MGST1: variants seen among roughly 807,000 people sequenced by gnomAD.
MGST1 encodes the protein glutathione S-transferase 12.
Under a neutral mutation model 8.9 loss-of-function variants are expected in MGST1, and 5 were observed. The ratio of observed to expected loss-of-function variants is 0.56; its 90% CI spans 0.29 to 1.19. The LOEUF (loss-of-function observed/expected upper bound fraction) is 1.19. Among genes scored for constraint, MGST1 ranks in the 50% most tolerant of loss-of-function variants. The pLI is 0.08. For missense variants in MGST1, 182 were observed against 187.4 expected, an observed-to-expected ratio of 0.97 and a Z score of 0.17; for synonymous variants, 54 against 67.8, an observed-to-expected ratio of 0.80 and a Z score of 1.00.
Position 16,559,340 on chromosome 12 carries a change from A to G in MGST1, n.483-30188A>G, listed in dbSNP as rs945721688. Among the ~76,000 whole-genome samples the G allele has an allele frequency of 1.3e-5, 2 of 152,230 alleles. No homozygotes were observed. Among genetic ancestry groups the G allele is most frequent in the Admixed American group, 1.3e-4 (2 of 15,282 alleles). On this transcript the variant is annotated intron_variant and non_coding_transcript_variant, in intron 4 of 4. Coordinates refer to the MGST1 transcript ENST00000538857. This position sits in a 1 kb window ranked among gnomAD's most constrained non-coding sequence, Gnocchi z 4.1. ...GAAATAAAAAATATAACTTTCAATA[A>G]GAAAAAATGGAATTAAGTGATAATA...
intron 1 of MGST1, chr12:16,402,264 T>G (rs1940662545): frequency 6.3e-7 from 1 of 1,589,174 alleles, no homozygotes; most frequent in African/African-American, 1.3e-5. Flanking sequence ...GAGCCATGTC[T>G]GTAAGGCAGT....
In MGST1 at chr12:16,479,535, CTTT is replaced by C. The variant is rs71054820; in HGVS notation, n.482+95945_482+95947del. Among the ~76,000 whole-genome samples, 34 of 113,076 alleles carry C rather than the reference CTTT, an allele frequency of 3.0e-4. 2 individuals carry two copies. The highest frequency in any genetic ancestry group is 1.2e-3 in the African/African-American group (30 of 26,040). The allele number at this position is 113,076 out of a possible 152,430, so 74.2% of individuals were successfully genotyped here. A position where few individuals can be genotyped will look rare whatever the true frequency, so the allele number is the denominator to read the frequency against. ...AGGCGTGAGCCACTGCGCCCGGCCTCTTTTTTTTTTTTTTTTGAGACAGGGTCT... is the reference window on the plus strand; with the variant it reads ...AGGCGTGAGCCACTGCGCCCGGCCTCTTTTTTTTTTTTTGAGACAGGGTCT... On this transcript the variant is annotated intron_variant and non_coding_transcript_variant, in intron 4 of 4. Coordinates refer to the MGST1 transcript ENST00000538857.
chr12:16,465,511 C>G (rs188259497), intron 4 of MGST1, among the ~76,000 whole-genome samples: 2 of 151,800 alleles, frequency 1.3e-5, no homozygotes, highest in African/African-American at 4.8e-5. Context: ...CCTGTCAGAT[C>G]AGCTGCAGCA....
chr12:16,354,502 A>T lies in MGST1; in HGVS notation c.126+124A>T, dbSNP rs931701177. The T allele has an allele frequency of 5.5e-6, 5 of 911,550 alleles. No individual in the cohort carries two copies. The South Asian group carries it at 9.7e-5, about 18-fold the overall frequency. The allele number at this position is 911,550 out of a possible 1,614,324, so 56.5% of individuals were successfully genotyped here. On this transcript the variant is annotated intron_variant, in intron 2 of 3. Coordinates refer to ENST00000396210, the MANE Select transcript of MGST1 (RefSeq NM_020300.5). ...AGCACACTGTTTTATGCTGTAAGTG[A>T]AGTATGCCATCGTTTGGCACAGATG...
At chr12:16,473,445 G>A (rs536896848) in intron 4 of MGST1, among the ~76,000 whole-genome samples, 3 of 152,224 alleles carry the variant, frequency 2.0e-5, no homozygotes, top group South Asian at 2.1e-4. Context: ...ACCCACTCTG[G>A]AATGAGAATT....
chr12:16,463,594 A>C (rs1941235112), intron 4 of MGST1, among the ~76,000 whole-genome samples: 1 of 66,306 alleles, frequency 1.5e-5, no homozygotes, highest in Non-Finnish European at 2.9e-5. Context: ...TTAAAATAAA[A>C]GTTGAAGAAA....
chr12:16,387,748 G>A (rs55660675), intron 1 of MGST1, among the ~76,000 whole-genome samples: 12 of 152,040 alleles, frequency 7.9e-5, no homozygotes, highest in Non-Finnish European at 1.2e-4. Flanking sequence ...GGATGGTCTC[G>A]ATCTCCTGAC....
rs1941811872 is a variant in MGST1, at chr12:16,544,520, A to G, written n.483-45008A>G. ...AAATGTAAATGTAGAGAATTAAGTC[A>G]AACCATGCCAAGAACACAAAGTGCT... On this transcript the variant is annotated intron_variant and non_coding_transcript_variant, in intron 4 of 4. Transcript: ENST00000538857. The surrounding 1 kb of genome is among the most constrained non-coding windows in gnomAD (Gnocchi z 4.8). Among the ~76,000 whole-genome samples, 1 of 152,086 alleles carries G rather than the reference A, an allele frequency of 6.6e-6. No homozygotes were observed. Among genetic ancestry groups the G allele is most frequent in the African/African-American group, 2.4e-5 (1 of 41,452 alleles).
chr12:16,406,136 A>C (rs1462992524), intron 1 of MGST1, among the ~76,000 whole-genome samples: 1 of 152,216 alleles, frequency 6.6e-6, no homozygotes, highest in Non-Finnish European at 1.5e-5. Flanking sequence ...CCCTGTTTGC[A>C]GCTGACGTAA....
At chr12:16,538,166 C>T (rs1941767377) in intron 4 of MGST1, among the ~76,000 whole-genome samples, 1 of 152,172 alleles carries the variant, frequency 6.6e-6, no homozygotes, top group African/African-American at 2.4e-5. Flanking sequence ...AAGTTTTGCA[C>T]ATCTGTAGGG....
intron 1 of MGST1, among the ~76,000 whole-genome samples, chr12:16,398,397 T>C (rs1378121350): frequency 6.6e-6 from 1 of 152,216 alleles, no homozygotes; most frequent in Non-Finnish European, 1.5e-5. Context: ...GGCTGTGTTG[T>C]AGATATGGCC....
intron 4 of MGST1, among the ~76,000 whole-genome samples, chr12:16,541,648 G>A (rs1456002001): frequency 2.0e-5 from 3 of 152,088 alleles, no homozygotes; most frequent in Non-Finnish European, 4.4e-5. Flanking sequence ...AGATAAAACA[G>A]ATACCAGAAA....
rs1167831601 is a variant in MGST1 at position 16,361,596 on chromosome 12, G to A, written c.222-2199G>A. Among the ~76,000 whole-genome samples, 1 of 152,158 alleles carries A rather than the reference G, an allele frequency of 6.6e-6. No homozygotes were observed. Among genetic ancestry groups the A allele is most frequent in the East Asian group, 1.9e-4 (1 of 5,188 alleles). ...CCGCTCCAGGAAGGAGTCTGTCGTTGGAGAAGAGGGGAGGGTTAGGACGGA... is the reference window on the plus strand; with the variant it reads ...CCGCTCCAGGAAGGAGTCTGTCGTTAGAGAAGAGGGGAGGGTTAGGACGGA... On this transcript the variant is annotated intron_variant, in intron 3 of 3. Transcript: ENST00000396210. This position sits in a 1 kb window ranked among gnomAD's most constrained non-coding sequence, Gnocchi z 4.2.
Position 16,544,762 on chromosome 12 carries a change from G to A in MGST1, n.483-44766G>A, listed in dbSNP as rs993523650. The stretch of plus-strand genomic sequence containing the variant: ...CTAGTCAATTTGGGAAAAAGCACTG[G>A]GTTATGAAAAATTATAACCTATATG... On this transcript the variant is annotated intron_variant and non_coding_transcript_variant, in intron 4 of 4. Transcript: ENST00000538857. This position sits in a 1 kb window ranked among gnomAD's most constrained non-coding sequence, Gnocchi z 4.8. 6.6e-6 allele frequency among the ~76,000 whole-genome samples: 1 copy of A among 151,894 alleles called. No individual in the cohort carries two copies. Among genetic ancestry groups the A allele is most frequent in the East Asian group, 1.9e-4 (1 of 5,188 alleles).
chr12:16,551,267 G>A (rs770032655), intron 4 of MGST1: 19 of 1,613,014 alleles, frequency 1.2e-5, no homozygotes, highest in South Asian at 4.4e-5. Flanking sequence ...AACCTTCCTC[G>A]TAGTCCGTCT....
chr12:16,560,427 C>G lies in MGST1; in HGVS notation n.483-29101C>G. The G allele has an allele frequency of 6.2e-7, 1 of 1,613,616 alleles. No homozygotes were observed. Among genetic ancestry groups the G allele is most frequent in the Non-Finnish European group, 8.5e-7 (1 of 1,179,714 alleles). ...GACCTGCTTACCTCTGATTACAAAG[C>G]TGACATGCAAAGCAGTCCAGGTGGT... On this transcript the variant is annotated intron_variant and non_coding_transcript_variant, in intron 4 of 4. Transcript: ENST00000538857. The surrounding 1 kb of genome is among the most constrained non-coding windows in gnomAD (Gnocchi z 5.0).
rs1940735642 is a variant in MGST1 at position 16,410,731 on chromosome 12, T to C, written n.779-26657T>C. Among the ~76,000 whole-genome samples, 1 of 149,266 alleles carries C rather than the reference T, an allele frequency of 6.7e-6. No individual in the cohort carries two copies. The highest frequency in any genetic ancestry group is 1.5e-5 in the Non-Finnish European group (1 of 67,496). ...TATATAATCAAATATTCAAATATAC[T>C]CAAATGTATATGTTTGATTATATAT... On this transcript the variant is annotated intron_variant and non_coding_transcript_variant, in intron 1 of 1. Coordinates refer to the MGST1 transcript ENST00000359720. This position sits in a 1 kb window ranked among gnomAD's most constrained non-coding sequence, Gnocchi z 4.4.
chr12:16,351,908 G>A (rs1939483423), intron 1 of MGST1, among the ~76,000 whole-genome samples: 1 of 151,044 alleles, frequency 6.6e-6, no homozygotes, highest in Admixed American at 6.6e-5. Flanking sequence ...CCACATAACT[G>A]GAAAAAGAAA....
chr12:16,502,318 C>T (rs1003295875), intron 4 of MGST1, among the ~76,000 whole-genome samples: 2 of 152,144 alleles, frequency 1.3e-5, no homozygotes, highest in Admixed American at 6.5e-5. Context: ...ATTCATGGCT[C>T]TTAATCCAAT....
Sources: gnomAD v4.1 joint callset for allele counts (sites outside exome capture counted in the v4.1 genomes callset) on GRCh38, gnomAD v4.1.1 for gene constraint, Gnocchi (gnomAD v3.1) non-coding constraint, MANE v1.5 for transcripts, NCBI Gene and HGNC (gene_info 2026-07-23, HGNC 2026-07-21) for gene names.